CHN2: variants seen among roughly 807,000 people sequenced by gnomAD.
CHN2 encodes the protein chimerin 2, also known as beta-chimaerin.
A neutral mutation model predicts 56.3 loss-of-function variants in CHN2; 35 were observed. That is an observed-to-expected ratio of 0.62 (90% CI 0.47 to 0.82). The LOEUF is 0.82. Among genes scored for constraint, CHN2 ranks in the 40% least tolerant of loss-of-function variants. The pLI is 0.00. For missense variants in CHN2, 491 were observed against 580.5 expected (o/e 0.85, Z 1.58); for synonymous variants, 210 against 212.8 (o/e 0.99, Z 0.12).
At chr7:29,307,877 A>G (rs550760024) in intron 1 of CHN2, among the ~76,000 whole-genome samples, 45 of 152,290 alleles carry the variant, frequency 3.0e-4, no homozygotes, top group African/African-American at 1.0e-3. Flanking sequence ...ATTTGAGCCT[A>G]ATGAGACCTA....
At chr7:29,315,674 AT>A (rs888827186) in intron 1 of CHN2, among the ~76,000 whole-genome samples, 5 of 150,922 alleles carry the variant, frequency 3.3e-5, no homozygotes, top group African/African-American at 7.3e-5. Flanking sequence ...TAAACGATTC[AT>A]TTTTTTTTCA....
chr7:29,259,965 G>T (rs1440171144), intron 1 of CHN2, among the ~76,000 whole-genome samples: 3 of 152,044 alleles, frequency 2.0e-5, no homozygotes, highest in Non-Finnish European at 4.4e-5. Flanking sequence ...ACTTTTCTAT[G>T]TAGATTCTTC....
chr7:29,230,455 C>T (rs187716159), intron 1 of CHN2, among the ~76,000 whole-genome samples: 23 of 152,248 alleles, frequency 1.5e-4, no homozygotes, highest in African/African-American at 5.5e-4. Context: ...ATTCTCATGC[C>T]TCAGCCTCCC....
upstream of CHN2, chr7:29,192,289 C>T (rs1782985553): frequency 6.6e-6 from 1 of 152,172 alleles, no homozygotes; most frequent in Admixed American, 6.5e-5. Context: ...AGCAAATACC[C>T]CCGTCCCTTC....
At chr7:29,483,905 A>T (rs1473959871) in intron 7 of CHN2, 1 of 1,301,018 alleles carries the variant, frequency 7.7e-7, no homozygotes, top group East Asian at 5.6e-5. Flanking sequence ...CAGTTCCCTC[A>T]TCTATAAAAT....
chr7:29,198,786 G>A (rs1442448302), intron 1 of CHN2, among the ~76,000 whole-genome samples: 1 of 152,044 alleles, frequency 6.6e-6, no homozygotes, highest in Non-Finnish European at 1.5e-5. Flanking sequence ...CAATATGATT[G>A]CCAAATGGAT....
chr7:29,277,791 G>C (rs999272965), intron 1 of CHN2, among the ~76,000 whole-genome samples: 1 of 152,156 alleles, frequency 6.6e-6, no homozygotes, highest in Non-Finnish European at 1.5e-5. Context: ...TCTAAACCAT[G>C]ATGGCATCAG....
At chr7:29,510,287 G>C (rs1236921479) in intron 12 of CHN2, among the ~76,000 whole-genome samples, 1 of 152,130 alleles carries the variant, frequency 6.6e-6, no homozygotes, top group Non-Finnish European at 1.5e-5. Flanking sequence ...TAATGAGGCT[G>C]CAGTCTTATC....
At chr7:29,273,984 C>T (rs1562882616) in intron 1 of CHN2, among the ~76,000 whole-genome samples, 1 of 152,138 alleles carries the variant, frequency 6.6e-6, no homozygotes, top group Non-Finnish European at 1.5e-5. Context: ...GAACTGCTTC[C>T]CTAGGTGCAC....
intron 1 of CHN2, among the ~76,000 whole-genome samples, chr7:29,320,134 G>T (rs1447805388): frequency 6.6e-6 from 1 of 152,170 alleles, no homozygotes; most frequent in South Asian, 2.1e-4. Flanking sequence ...GAGGTTTAGA[G>T]AAGTGAAAGC....
intron 2 of CHN2, chr7:29,185,717 A>T (rs1798624861): frequency 6.6e-6 from 1 of 152,082 alleles, no homozygotes; most frequent in Non-Finnish European, 1.5e-5. Context: ...CTTCTGAGTG[A>T]TTCTCATATA....
At chr7:29,167,191 A>G (rs923079362) in intron 2 of CHN2, among the ~76,000 whole-genome samples, 15 of 152,164 alleles carry the variant, frequency 9.9e-5, no homozygotes, top group African/African-American at 3.6e-4. Flanking sequence ...CTAACTTTTA[A>G]TTATTTATTT....
chr7:29,394,691 G>C (rs1801607329), intron 4 of CHN2, among the ~76,000 whole-genome samples: 1 of 152,192 alleles, frequency 6.6e-6, no homozygotes, highest in Non-Finnish European at 1.5e-5. Context: ...CTATGTTGTA[G>C]TATGGCTTTT....
chr7:29,347,953 C>T (rs1463939206), intron 1 of CHN2, among the ~76,000 whole-genome samples: 1 of 152,166 alleles, frequency 6.6e-6, no homozygotes, highest in African/African-American at 2.4e-5. Flanking sequence ...TAGCTATTCA[C>T]AGAACAAAAT....
chr7:29,181,448 T>C (rs945803540), intron 2 of CHN2: 35 of 152,258 alleles, frequency 2.3e-4, no homozygotes, highest in African/African-American at 7.7e-4. Flanking sequence ...TATAGATTTA[T>C]GTGTAAGGAA....
At chr7:29,330,371 G>T (rs185006993) in intron 1 of CHN2, among the ~76,000 whole-genome samples, 2 of 152,330 alleles carry the variant, frequency 1.3e-5, no homozygotes, top group Admixed American at 1.3e-4. Context: ...TCATTTCTGT[G>T]TGAGTACAGT....
At chr7:29,388,966 C>G (rs1171104471) in intron 3 of CHN2, among the ~76,000 whole-genome samples, 1 of 152,236 alleles carries the variant, frequency 6.6e-6, no homozygotes, top group Admixed American at 6.5e-5. Flanking sequence ...TTTAACACAT[C>G]TGTTACATGG....
At chr7:29,266,298 C>G (rs1327419502) in intron 1 of CHN2, among the ~76,000 whole-genome samples, 2 of 152,304 alleles carry the variant, frequency 1.3e-5, no homozygotes, top group African/African-American at 4.8e-5. Context: ...CTTCTTCATT[C>G]CGTCAACACC....
intron 6 of CHN2, among the ~76,000 whole-genome samples, chr7:29,471,189 A>G (rs1194322032): frequency 6.6e-6 from 1 of 152,234 alleles, no homozygotes; most frequent in African/African-American, 2.4e-5. Flanking sequence ...GAAATGGATT[A>G]CTCTGATGGT....
Sources: gnomAD v4.1 joint callset for allele counts (sites outside exome capture counted in the v4.1 genomes callset) on GRCh38, gnomAD v4.1.1 for gene constraint, MANE v1.5 for transcripts, NCBI Gene and HGNC (gene_info 2026-07-23, HGNC 2026-07-21) for gene names.